PROM1: variants seen among roughly 807,000 people sequenced by gnomAD.
The protein encoded by PROM1 is prominin 1.
A neutral mutation model predicts 116.9 loss-of-function variants in PROM1; 105 were observed. The observed-to-expected ratio is 0.90, with a 90% confidence interval of 0.77 to 1.06. The LOEUF is 1.06. PROM1 is among the 50% of genes least tolerant of loss of function. The pLI is 0.00. For synonymous variants in PROM1, 393 were observed against 387.0 expected (o/e 1.02, Z -0.18); for missense variants, 1,122 against 1,045.2 (o/e 1.07, Z -1.01).
At chr4:15,999,605 T>C (rs1452018243) in intron 14 of PROM1, among the ~76,000 whole-genome samples, 1 of 152,198 alleles carries the variant, frequency 6.6e-6, no homozygotes, top group East Asian at 1.9e-4. Flanking sequence ...AAAATTATCT[T>C]TGAATGATTC....
At chr4:16,035,807 C>A in intron 3 of PROM1, 46 bp from the exon 4 acceptor site, 2 of 1,581,198 alleles carry the variant, frequency 1.3e-6, no homozygotes. Context: ...AGGCAGCATG[C>A]ATCAAGAAAA....
chr4:15,974,296 G>A (rs1453056909), intron 26 of PROM1, among the ~76,000 whole-genome samples: 4 of 151,822 alleles, frequency 2.6e-5, no homozygotes, highest in East Asian at 3.9e-4. Context: ...CAGAAGCATC[G>A]TTGGAAAAAA....
rs1013388720 is a variant in PROM1 at position 15,980,611 on chromosome 4, T to A, written c.2374-74A>T. On this transcript the variant is annotated intron_variant, in intron 23 of 27. Coordinates refer to ENST00000447510, the MANE Select transcript of PROM1 (RefSeq NM_006017.3). ...GAAAAACAGTTGTTTGGGGGATTTTTTTTTTTTTTTTTTTTTTTTGGAATT... is the reference window on the plus strand; with the variant it reads ...GAAAAACAGTTGTTTGGGGGATTTTATTTTTTTTTTTTTTTTTTTGGAATT... The A allele has an allele frequency of 3.6e-3, 343 of 96,510 alleles. 5 individuals carry two copies. The highest frequency in any genetic ancestry group is 8.3e-3 in the Middle Eastern group (3 of 362). The allele number at this position is 96,510 out of a possible 1,614,324, so 6.0% of individuals were successfully genotyped here.
chr4:15,985,381 C>T (rs1719085910), intron 22 of PROM1: 1 of 210,740 alleles, frequency 4.7e-6, no homozygotes, highest in Non-Finnish European at 9.3e-6. Context: ...TCTCTCTGAG[C>T]CTCGGTTTCC....
intron 2 of PROM1, among the ~76,000 whole-genome samples, chr4:16,044,977 G>C (rs1277994041): frequency 6.6e-6 from 1 of 152,152 alleles, no homozygotes; most frequent in Non-Finnish European, 1.5e-5. Context: ...CCCAAGAAAA[G>C]TGTCCAGCAC....
intron 26 of PROM1, among the ~76,000 whole-genome samples, chr4:15,973,269 A>T (rs1367162744): frequency 5.9e-5 from 9 of 152,192 alleles, no homozygotes; most frequent in Non-Finnish European, 1.2e-4. Flanking sequence ...CAATATAGTG[A>T]AACTCCATCT....
chr4:15,971,140 A>C, intron 26 of PROM1, 58 bp from the exon 27 acceptor site: 2 of 1,437,200 alleles, frequency 1.4e-6, no homozygotes, highest in Non-Finnish European at 1.9e-6. Context: ...GGGTGGTTTC[A>C]TCACCTCTGT....
At chr4:16,038,331 A>G (rs898486241) in intron 3 of PROM1, among the ~76,000 whole-genome samples, 3 of 152,220 alleles carry the variant, frequency 2.0e-5, no homozygotes, top group Non-Finnish European at 4.4e-5. Context: ...TTAATGAGGG[A>G]GTTCTCATCC....
rs1009816814 is a variant in PROM1 at position 15,971,099 on chromosome 4, T to A, written c.2583-17A>T. The stretch of plus-strand genomic sequence containing the variant: ...TGTGATGGGCTAAAAAACAAAAAAA[T>A]AAAGAAATATAATACCCCCAACAAA... On this transcript the variant is annotated splice_polypyrimidine_tract_variant and intron_variant, in intron 26 of 27. Coordinates refer to ENST00000447510, the MANE Select transcript of PROM1 (RefSeq NM_006017.3). The A allele has an allele frequency of 1.3e-6, 2 of 1,551,094 alleles. No individual in the cohort carries two copies. Among genetic ancestry groups the A allele is most frequent in the South Asian group, 1.2e-5 (1 of 84,414 alleles).
At chr4:16,023,173 C>T (rs542525499) in intron 8 of PROM1, among the ~76,000 whole-genome samples, 153 bp downstream of exon 8, 1 of 152,284 alleles carries the variant, frequency 6.6e-6, no homozygotes, top group African/African-American at 2.4e-5. Context: ...CAAGCTATTG[C>T]AACACAGTGT....
In PROM1 at chr4:16,009,112, A is replaced by C; in HGVS notation, c.1142-4T>G. On this transcript the variant is annotated splice_polypyrimidine_tract_variant and splice_region_variant and intron_variant, in intron 11 of 27. Coordinates refer to ENST00000447510, the MANE Select transcript of PROM1 (RefSeq NM_006017.3). Reference sequence around the variant, plus strand: ...GAATTCAAGACCCTTTTGATACCTGAAAACAAAGATACCTTTGTTATGCAT... The same window carrying C: ...GAATTCAAGACCCTTTTGATACCTGCAAACAAAGATACCTTTGTTATGCAT... The C allele has an allele frequency of 6.2e-7, 1 of 1,611,446 alleles. No individual in the cohort carries two copies. The highest frequency in any genetic ancestry group is 8.5e-7 in the Non-Finnish European group (1 of 1,178,646).
rs1301331612 is a variant in PROM1, at chr4:16,018,304, CA to C, written c.1002+18del. ...CCCAGCATGCAGCCCTTGACCATGG[CA>C]AGCTCATGCCTGCTCACCTGCCTCA... On this transcript the variant is annotated intron_variant, in intron 9 of 27. Transcript: ENST00000447510. 1 of 1,608,898 alleles carries C rather than the reference CA, an allele frequency of 6.2e-7. No individual in the cohort carries two copies. Among genetic ancestry groups the C allele is most frequent in the Admixed American group, 1.7e-5 (1 of 59,992 alleles).
intron 2 of PROM1, among the ~76,000 whole-genome samples, chr4:16,039,532 G>A (rs1164808672): frequency 1.3e-5 from 2 of 152,140 alleles, no homozygotes; most frequent in African/African-American, 2.4e-5. Context: ...GAGGCCAGGA[G>A]TTCAAGACCA....
At chr4:15,976,628 C>A (rs907943485) in intron 26 of PROM1, among the ~76,000 whole-genome samples, 1 of 152,208 alleles carries the variant, frequency 6.6e-6, no homozygotes, top group African/African-American at 2.4e-5. Flanking sequence ...GATGATCATG[C>A]CTAAGTGACA....
intron 6 of PROM1, 119 bp downstream of exon 6, chr4:16,025,073 C>G: frequency 8.2e-7 from 1 of 1,225,928 alleles, no homozygotes; most frequent in Non-Finnish European, 1.1e-6. Flanking sequence ...ACAGATAACA[C>G]CAGTCTACGC....
chr4:16,018,157 G>A (rs1404290764), intron 9 of PROM1, 166 bp downstream of exon 9: 16 of 626,432 alleles, frequency 2.6e-5, no homozygotes, highest in Non-Finnish European at 4.5e-5. Context: ...TCCTGCTGTG[G>A]TCATTCCAAT....
At chr4:16,036,133 G>A (rs1317647633) in intron 3 of PROM1, among the ~76,000 whole-genome samples, 5 of 152,104 alleles carry the variant, frequency 3.3e-5, no homozygotes, top group South Asian at 2.1e-4. Context: ...CAGAACCAAC[G>A]GCAGCATCTT....
chr4:16,041,767 TAAATAA>T lies in PROM1; in HGVS notation c.221-2772_221-2767del, dbSNP rs1272285797. The stretch of plus-strand genomic sequence containing the variant: ...TGCCTCAAATAAATAAATAAATAAA[TAAATAA>T]ATAAATAAATAAATATATATATATA... On this transcript the variant is annotated intron_variant, in intron 2 of 27. Coordinates refer to ENST00000447510, the MANE Select transcript of PROM1 (RefSeq NM_006017.3). Among the ~76,000 whole-genome samples, 49 of 114,240 alleles carry T rather than the reference TAAATAA, an allele frequency of 4.3e-4. 1 individual carries two copies. The highest frequency in any genetic ancestry group is 1.3e-3 in the African/African-American group (33 of 25,774). 74.9% of individuals were successfully genotyped at this position (114,240 alleles called of 152,430 possible).
At chr4:16,046,042 G>C (rs1736472702) in intron 2 of PROM1, among the ~76,000 whole-genome samples, 1 of 152,208 alleles carries the variant, frequency 6.6e-6, no homozygotes, top group Non-Finnish European at 1.5e-5. Flanking sequence ...AGGTAACAGT[G>C]TTATCCTGGG....
Sources: allele counts gnomAD v4.1 joint callset (sites outside exome capture counted in the v4.1 genomes callset), GRCh38; gene constraint gnomAD v4.1.1; transcripts MANE v1.5; gene names NCBI Gene and HGNC (gene_info 2026-07-23, HGNC 2026-07-21).